Variants in DIS3L2 observed in about 807,000 individuals in gnomAD.
DIS3L2 encodes the protein DIS3-like exonuclease 2.
DIS3L2 carries 34 observed loss-of-function variants against 97.5 expected under a neutral mutation model. The observed-to-expected ratio is 0.35, with a 90% CI of 0.27 to 0.46. The LOEUF (loss-of-function observed/expected upper bound fraction) is 0.46, where lower values mean the gene tolerates loss of function less well. DIS3L2 is among the 20% of genes least tolerant of loss of function. DIS3L2 has a pLI of 1.00. For synonymous variants in DIS3L2, 435 were observed against 445.2 expected (o/e 0.98, Z 0.29); for missense variants, 1,038 against 1,146.0 (o/e 0.91, Z 1.36).
At chr2:232,244,279 G>A (rs1005760353) in intron 11 of DIS3L2, among the ~76,000 whole-genome samples, 1 of 152,170 alleles carries the variant, frequency 6.6e-6, no homozygotes, top group African/African-American at 2.4e-5. Flanking sequence ...CAAATCCCCA[G>A]CTGTGTTCTG....
At chr2:232,254,490 TG>T (rs149583344) in intron 12 of DIS3L2, among the ~76,000 whole-genome samples, 20,458 of 152,248 alleles carry the variant, frequency 0.13, 1,918 homozygotes, top group South Asian at 0.36. Context: ...TATTTTCTAA[TG>T]TTTTTTGAAA....
chr2:231,992,984 C>T (rs1323657547), intron 1 of DIS3L2, among the ~76,000 whole-genome samples: 5 of 152,110 alleles, frequency 3.3e-5, no homozygotes, highest in South Asian at 2.1e-4. Context: ...CTAGGCTGAT[C>T]GCATCTGTGT....
At chr2:232,068,975 C>T (rs890725594) in intron 5 of DIS3L2, among the ~76,000 whole-genome samples, 2 of 151,962 alleles carry the variant, frequency 1.3e-5, no homozygotes, top group African/African-American at 4.8e-5. Flanking sequence ...TACCACCATG[C>T]CTGACTAATT....
At chr2:232,141,960 A>G (rs1690060455) in intron 8 of DIS3L2, among the ~76,000 whole-genome samples, 1 of 152,198 alleles carries the variant, frequency 6.6e-6, no homozygotes, top group Non-Finnish European at 1.5e-5. Context: ...AGAAAAAACA[A>G]ACAGAAGAAA....
chr2:232,153,690 C>G (rs1315903515), intron 8 of DIS3L2, among the ~76,000 whole-genome samples: 1 of 131,632 alleles, frequency 7.6e-6, no homozygotes, highest in African/African-American at 3.0e-5. Context: ...TGGAGTTGCT[C>G]TTCTCGAGGA....
chr2:232,113,801 C>G lies in DIS3L2; in HGVS notation c.602-16818C>G, dbSNP rs543274885. On this transcript the variant is annotated intron_variant, in intron 6 of 20. Coordinates refer to ENST00000325385, the MANE Select transcript of DIS3L2 (RefSeq NM_152383.5). ...AGATGATAACAACCCTTTCCCAAAA[C>G]AAACCTCCTTCTTGCCTGAAGACTA... Among the ~76,000 whole-genome samples the G allele has an allele frequency of 2.0e-5, 3 of 152,310 alleles. No individual in the cohort carries two copies. The East Asian group carries it at 5.8e-4, about 29-fold the overall frequency.
At chr2:232,329,785 T>TACCGGGGGGGGGGCCCCCC in intron 14 of DIS3L2, 28 bp from the exon 15 acceptor site, 1 of 967,144 alleles carries the variant, frequency 1.0e-6, no homozygotes, top group Non-Finnish European at 1.5e-6. Flanking sequence ...ACCCCAGCGG[T>TACCGGGGGGGGGGCCCCCC]CCCTCCCATC....
chr2:232,136,782 A>G, intron 8 of DIS3L2, 63 bp downstream of exon 8: 1 of 1,561,234 alleles, frequency 6.4e-7, no homozygotes, highest in Non-Finnish European at 8.7e-7. Context: ...GGTGGTCTTT[A>G]GGTAAACTTT....
chr2:232,046,416 G>A (rs559927296), intron 5 of DIS3L2, among the ~76,000 whole-genome samples: 81 of 152,304 alleles, frequency 5.3e-4, no homozygotes, highest in African/African-American at 1.8e-3. Flanking sequence ...ATTTGTATGA[G>A]CATTATATTT....
In DIS3L2 at chr2:231,963,101, A is replaced by G. The variant is rs1289651395; in HGVS notation, c.-94+1336A>G. Among the ~76,000 whole-genome samples the G allele has an allele frequency of 2.0e-5, 3 of 152,202 alleles. No individual in the cohort carries two copies. In the East Asian group the frequency reaches 5.8e-4, roughly 29 times the overall value. ...GTTTTCCTTTGGTTATATACCCAAC[A>G]GTGGGATTGCTGGGTGAAATGGTGG... On this transcript the variant is annotated intron_variant, in intron 1 of 20. Transcript: ENST00000325385.
In DIS3L2 at chr2:232,091,387, A is replaced by G. The variant is rs544395300; in HGVS notation, c.601+3666A>G. 3.3e-5 allele frequency among the ~76,000 whole-genome samples: 5 copies of G among 152,292 alleles called. No homozygotes were observed. In the South Asian group the frequency reaches 1.0e-3, roughly 32 times the overall value. On this transcript the variant is annotated intron_variant, in intron 6 of 20. Transcript: ENST00000325385. ...GTTGTTTTAGTTTTTTAGCTCTCAC[A>G]GATAAGTGAGAACATATGAAGTTTG...
chr2:232,337,590 C>T (rs1224927641), downstream of DIS3L2, among the ~76,000 whole-genome samples: 2 of 152,114 alleles, frequency 1.3e-5, no homozygotes, highest in Admixed American at 1.3e-4. Context: ...CAGCCTGACC[C>T]CAGCCTGTAC....
chr2:232,176,310 C>G (rs189056917), intron 9 of DIS3L2, among the ~76,000 whole-genome samples: 1 of 152,242 alleles, frequency 6.6e-6, no homozygotes, highest in Admixed American at 6.5e-5. Context: ...TTTGCTCTTT[C>G]ATTTGTTAGT....
intron 10 of DIS3L2, among the ~76,000 whole-genome samples, chr2:232,211,077 G>A (rs1432008392): frequency 2.0e-5 from 3 of 152,078 alleles, no homozygotes; most frequent in Middle Eastern, 3.4e-3. Flanking sequence ...GAAAAAATGT[G>A]TAGGATATGA....
chr2:232,204,054 T>C (rs1303037114), intron 9 of DIS3L2, among the ~76,000 whole-genome samples: 1 of 151,816 alleles, frequency 6.6e-6, no homozygotes, highest in Non-Finnish European at 1.5e-5. Context: ...CGGTAAGGAG[T>C]TGATGAAGGT....
At chr2:232,158,930 C>T (rs1285217656) in intron 8 of DIS3L2, among the ~76,000 whole-genome samples, 2 of 151,976 alleles carry the variant, frequency 1.3e-5, no homozygotes, top group Admixed American at 1.3e-4. Context: ...TATAAGTATT[C>T]GTCTTGTACT....
downstream of DIS3L2, among the ~76,000 whole-genome samples, chr2:232,337,633 T>C (rs1169648607): frequency 6.6e-6 from 1 of 152,070 alleles, no homozygotes; most frequent in South Asian, 2.1e-4. Context: ...GCTCCGTGGC[T>C]TGGCGTCCCC....
At chr2:232,076,447 C>G (rs1439762866) in intron 5 of DIS3L2, among the ~76,000 whole-genome samples, 1 of 152,076 alleles carries the variant, frequency 6.6e-6, no homozygotes, top group African/African-American at 2.4e-5. Flanking sequence ...TTGGTATTAT[C>G]AGAATTTTTG....
At chr2:231,964,863 G>T (rs1054661027) in intron 1 of DIS3L2, among the ~76,000 whole-genome samples, 8 of 152,190 alleles carry the variant, frequency 5.3e-5, no homozygotes, top group Admixed American at 2.0e-4. Flanking sequence ...AGAGGGTGGA[G>T]AAATCATTTC....
Sources: allele counts gnomAD v4.1 joint callset (sites outside exome capture counted in the v4.1 genomes callset), GRCh38; gene constraint gnomAD v4.1.1; transcripts MANE v1.5; gene names NCBI Gene and HGNC (gene_info 2026-07-23, HGNC 2026-07-21).